Variants in PRKCA observed in about 807,000 individuals in gnomAD.
PRKCA encodes protein kinase C alpha.
PRKCA carries 27 observed loss-of-function variants against 87.0 expected under a neutral mutation model. The observed-to-expected ratio is 0.31, with a 90% CI of 0.23 to 0.43. The LOEUF (loss-of-function observed/expected upper bound fraction) is 0.43. Among genes scored for constraint, PRKCA ranks in the 20% least tolerant of loss-of-function variants. The pLI, the probability that PRKCA is intolerant of heterozygous loss-of-function variation, is 1.00. For missense variants in PRKCA, 518 were observed against 852.3 expected (o/e 0.61, Z 4.88); for synonymous variants, 329 against 311.1 (o/e 1.06, Z -0.61).
intron 3 of PRKCA, among the ~76,000 whole-genome samples, chr17:66,507,209 A>G (rs368509687): frequency 6.6e-6 from 1 of 152,246 alleles, no homozygotes. Context: ...TTACTATTCA[A>G]ATAGTCACTT....
In PRKCA at chr17:66,624,970, T is replaced by C. The variant is rs1369960967; in HGVS notation, c.289-16385T>C. ...TGGTTACTATATTGAAGAGTGTGGA[T>C]AAAATACTTCCCTCATTGCAGAAGA... On this transcript the variant is annotated intron_variant, in intron 3 of 16. Coordinates refer to ENST00000413366, the MANE Select transcript of PRKCA (RefSeq NM_002737.3). Among the ~76,000 whole-genome samples the C allele has an allele frequency of 2.0e-5, 3 of 152,164 alleles. No individual in the cohort carries two copies. The East Asian group carries it at 5.8e-4, about 29-fold the overall frequency.
At chr17:66,349,441 T>G (rs746029722) in intron 2 of PRKCA, among the ~76,000 whole-genome samples, 7 of 152,024 alleles carry the variant, frequency 4.6e-5, no homozygotes, top group Non-Finnish European at 1.0e-4. Context: ...GCCTGCTGTG[T>G]AGACCTGGCT....
intron 2 of PRKCA, among the ~76,000 whole-genome samples, chr17:66,429,619 A>G (rs1765541821): frequency 1.3e-5 from 2 of 152,092 alleles, no homozygotes; most frequent in Admixed American, 1.3e-4. Flanking sequence ...AAACTGAGGT[A>G]ACTTCCTCAC....
chr17:66,516,259 C>T (rs1966966631), intron 3 of PRKCA, among the ~76,000 whole-genome samples: 1 of 152,066 alleles, frequency 6.6e-6, no homozygotes, highest in Non-Finnish European at 1.5e-5. Flanking sequence ...CTGGTATTAC[C>T]AGGGGCACTT....
chr17:66,781,710 G>A (rs2144359866), intron 14 of PRKCA, among the ~76,000 whole-genome samples: 1 of 152,188 alleles, frequency 6.6e-6, no homozygotes, highest in East Asian at 1.9e-4. Flanking sequence ...AGAATGGGGA[G>A]TCTCTTTTGT....
chr17:66,691,894 G>T (rs1972794996), intron 8 of PRKCA, among the ~76,000 whole-genome samples: 1 of 152,216 alleles, frequency 6.6e-6, no homozygotes, highest in Non-Finnish European at 1.5e-5. Context: ...GTGCTTCATT[G>T]TCGTGGCTTC....
chr17:66,735,392 C>A, intron 9 of PRKCA, 97 bp from the exon 10 acceptor site: 1 of 1,290,324 alleles, frequency 7.7e-7, no homozygotes, highest in Non-Finnish European at 1.1e-6. Context: ...CAAAGGTGCA[C>A]AAACTGTCAC....
At chr17:66,371,941 G>A (rs999104106) in intron 2 of PRKCA, among the ~76,000 whole-genome samples, 3 of 152,190 alleles carry the variant, frequency 2.0e-5, no homozygotes, top group Non-Finnish European at 4.4e-5. Flanking sequence ...AAATTGAAGC[G>A]CTTTGTATCT....
At chr17:66,618,217 C>T (rs376645377) in intron 3 of PRKCA, among the ~76,000 whole-genome samples, 1 of 151,912 alleles carries the variant, frequency 6.6e-6, no homozygotes, top group East Asian at 1.9e-4. Context: ...TAGCTGGGTA[C>T]GGTGGTGGGC....
At chr17:66,618,353 CA>C (rs34535549) in intron 3 of PRKCA, among the ~76,000 whole-genome samples, 88,890 of 134,170 alleles carry the variant, frequency 0.66, 28,780 homozygotes, top group Middle Eastern at 0.77. Flanking sequence ...AACCCTATCG[CA>C]AAAAAAAAAA....
intron 2 of PRKCA, among the ~76,000 whole-genome samples, chr17:66,318,255 CTT>C (rs1905432206): frequency 6.6e-6 from 1 of 152,106 alleles, no homozygotes; most frequent in South Asian, 2.1e-4. Context: ...AAAAATGAGG[CTT>C]TGTTTCTGTA....
intron 3 of PRKCA, among the ~76,000 whole-genome samples, chr17:66,591,806 C>T (rs74447003): frequency 2.0e-5 from 3 of 152,220 alleles, no homozygotes; most frequent in African/African-American, 4.8e-5. Context: ...GCACTATGGC[C>T]GACTCCCATG....
intron 3 of PRKCA, among the ~76,000 whole-genome samples, chr17:66,631,118 T>C (rs1971000147): frequency 6.6e-6 from 1 of 152,130 alleles, no homozygotes; most frequent in African/African-American, 2.4e-5. Flanking sequence ...ACTGCTAAAG[T>C]CCCTAAGTGA....
chr17:66,351,116 G>A (rs942354814), intron 2 of PRKCA, among the ~76,000 whole-genome samples: 18 of 152,242 alleles, frequency 1.2e-4, no homozygotes, highest in African/African-American at 4.1e-4. Context: ...ATTCCCCATC[G>A]TGTGGTGCTG....
intron 2 of PRKCA, among the ~76,000 whole-genome samples, chr17:66,463,288 G>A (rs1914937490): frequency 6.6e-6 from 1 of 152,058 alleles, no homozygotes; most frequent in Admixed American, 6.5e-5. Flanking sequence ...AACTATGTGA[G>A]TTAAGTCACT....
chr17:66,667,340 G>A (rs1972068917), intron 5 of PRKCA, among the ~76,000 whole-genome samples: 1 of 152,132 alleles, frequency 6.6e-6, no homozygotes, highest in Non-Finnish European at 1.5e-5. Context: ...CCTGAGACTG[G>A]GTAATTTATC....
intron 3 of PRKCA, among the ~76,000 whole-genome samples, chr17:66,602,472 A>G (rs1970073376): frequency 6.6e-6 from 1 of 150,890 alleles, no homozygotes; most frequent in Non-Finnish European, 1.5e-5. Context: ...ACTGTCTGGC[A>G]CTCCCTAGTG....
At chr17:66,338,632 A>G (rs900960966) in intron 2 of PRKCA, among the ~76,000 whole-genome samples, 1 of 152,144 alleles carries the variant, frequency 6.6e-6, no homozygotes, top group Non-Finnish European at 1.5e-5. Context: ...AAGCTGTCCT[A>G]CAGACTAAAA....
chr17:66,400,833 T>C (rs1267034713), intron 2 of PRKCA, among the ~76,000 whole-genome samples: 1 of 152,222 alleles, frequency 6.6e-6, no homozygotes, highest in Non-Finnish European at 1.5e-5. Context: ...TATAGTTTAT[T>C]ATGTCAAGCT....
Sources: allele counts gnomAD v4.1 joint callset (sites outside exome capture counted in the v4.1 genomes callset), GRCh38; gene constraint gnomAD v4.1.1; transcripts MANE v1.5; gene names NCBI Gene and HGNC (gene_info 2026-07-23, HGNC 2026-07-21).